Variants in INTS13 observed in about 807,000 individuals in gnomAD.
INTS13 encodes the protein integrator complex subunit 13, also known as asunder, spermatogenesis regulator homolog (Drosphila).
A neutral mutation model predicts 90.2 loss-of-function variants in INTS13; 35 were observed. The ratio of observed to expected loss-of-function variants is 0.39; its 90% confidence interval spans 0.30 to 0.51. The LOEUF is 0.51. Among genes scored for constraint, INTS13 ranks in the 20% least tolerant of loss-of-function variants. INTS13 has a pLI of 0.80. For missense variants in INTS13, 601 were observed against 851.2 expected (o/e 0.71, Z 3.66); for synonymous variants, 309 against 277.1 (o/e 1.11, Z -1.14).
chr12:26,936,942 A>C, intron 1 of INTS13, 128 bp from the exon 2 acceptor site: 1 of 655,942 alleles, frequency 1.5e-6, no homozygotes, highest in Non-Finnish European at 2.6e-6. Context: ...TGTTCAAAGA[A>C]ATCTGTCCGA....
intron 14 of INTS13, among the ~76,000 whole-genome samples, chr12:26,912,395 C>A (rs541882499): frequency 3.6e-4 from 55 of 152,220 alleles, no homozygotes; most frequent in African/African-American, 1.3e-3. Context: ...CGAGATCATG[C>A]CACTGCATTC....
chr12:26,938,087 GT>G (rs550556760), upstream of INTS13: 1,510 of 152,756 alleles, frequency 9.9e-3, 9 homozygotes, highest in Non-Finnish European at 0.015. Context: ...AGGGCCAGGC[GT>G]CCCAGTCGCC....
At chr12:26,916,936 T>C (rs1951951240) in intron 10 of INTS13, among the ~76,000 whole-genome samples, 1 of 152,206 alleles carries the variant, frequency 6.6e-6, no homozygotes. Flanking sequence ...CCACCTTTGA[T>C]TTGATTTAAA....
At position 26,914,130 on chromosome 12, in the gene INTS13, T is replaced by C; in HGVS notation, c.1420-2A>G. The C allele has an allele frequency of 6.4e-7, 1 of 1,562,794 alleles. No homozygotes were observed. Among genetic ancestry groups the C allele is most frequent in the Non-Finnish European group, 8.6e-7 (1 of 1,163,644 alleles). On this transcript the variant is annotated splice_acceptor_variant, in intron 12 of 16. Coordinates refer to ENST00000261191, the MANE Select transcript of INTS13 (RefSeq NM_018164.3). LOFTEE classifies it high-confidence loss of function. ...AATAACACTGGCTAATGGAACTACC[T>C]GTTAGATTTTTTTTAAAGAAAAAAG... is the stretch of plus-strand genomic sequence containing the variant.
chr12:26,927,414 G>A (rs1483002276), intron 5 of INTS13, among the ~76,000 whole-genome samples: 6 of 152,002 alleles, frequency 3.9e-5, no homozygotes, highest in South Asian at 2.1e-4. Flanking sequence ...GAATTGGTGC[G>A]GAAGAAAAAC....
intron 8 of INTS13, among the ~76,000 whole-genome samples, chr12:26,918,026 A>G (rs1592209601): frequency 6.6e-6 from 1 of 151,986 alleles, no homozygotes; most frequent in African/African-American, 2.4e-5. Flanking sequence ...GGAGGCTGAG[A>G]CAGAAGAATC....
Position 26,913,604 on chromosome 12 carries a change from A to G in INTS13, c.1658T>C (p.Val553Ala). The change falls in exon 14 of 17, where the codon GTC becomes GCC. Residue 553 changes from valine (V) to alanine (A), a missense_variant. Transcript: ENST00000261191. ...HINNSEKHQR[V>A]LECLMACRSK... Reference sequence around the variant, plus strand: ...CCTGCATGCCATCAGACATTCCAAGACTCTTTGATGTTTCTCTGAGTTGTT... The same window carrying G: ...CCTGCATGCCATCAGACATTCCAAGGCTCTTTGATGTTTCTCTGAGTTGTT... The G allele has an allele frequency of 6.2e-7, 1 of 1,613,524 alleles. No homozygotes were observed. Among genetic ancestry groups the G allele is most frequent in the Non-Finnish European group, 8.5e-7 (1 of 1,179,928 alleles).
chr12:26,935,350 G>A (rs1335571263), intron 2 of INTS13, among the ~76,000 whole-genome samples: 1 of 152,092 alleles, frequency 6.6e-6, no homozygotes, highest in Admixed American at 6.5e-5. Context: ...TGGCTAGAGG[G>A]TTAGATTTCT....
chr12:26,919,068 A>G, intron 8 of INTS13: 2 of 390,550 alleles, frequency 5.1e-6, no homozygotes, highest in Non-Finnish European at 5.3e-6. Flanking sequence ...CCGGAGGCTG[A>G]GGTGGAAGGA....
intron 14 of INTS13, among the ~76,000 whole-genome samples, chr12:26,911,615 A>C (rs1272882165): frequency 6.6e-6 from 1 of 152,234 alleles, no homozygotes; most frequent in East Asian, 1.9e-4. Flanking sequence ...TGTGATCTTC[A>C]GAAGAAATTG....
chr12:26,929,125 T>C (rs1246102892), intron 3 of INTS13: 1 of 496,616 alleles, frequency 2.0e-6, no homozygotes, highest in Non-Finnish European at 3.6e-6. Flanking sequence ...TATGCAAATA[T>C]CAATTATTAC....
chr12:26,923,771 G>A (rs1937713514), intron 7 of INTS13, among the ~76,000 whole-genome samples: 1 of 152,218 alleles, frequency 6.6e-6, no homozygotes, highest in African/African-American at 2.4e-5. Context: ...TTTTCCCCTA[G>A]TTAGACCTAT....
chr12:26,911,041 G>A, intron 15 of INTS13, 137 bp downstream of exon 15: 2 of 899,152 alleles, frequency 2.2e-6, no homozygotes, highest in East Asian at 2.8e-5. Context: ...CACCATGCTG[G>A]CCAGGCTGGT....
rs1938478382 is a variant in INTS13 at position 26,936,632 on chromosome 12, A to T, written c.172T>A (p.Ser58Thr). ...ATTATTCTACAATATTCCATGGAAG[A>T]TTCTACTGAGCAAGTCCACAATGAT... is the stretch of plus-strand genomic sequence containing the variant. The part of the protein sequence containing the change: ...SKSLWTCSVE[S>T]SMEYCRIMYD... The change falls in exon 2 of 17, where the codon TCT becomes ACT. Residue 58 changes from serine (S) to threonine (T), a missense_variant. Ser to Thr is a moderately conservative substitution (Grantham distance 58). This residue lies in a region of INTS13 where 284 missense variants were observed against 387.7 expected (regional missense o/e 0.73). Coordinates refer to ENST00000261191, the MANE Select transcript of INTS13 (RefSeq NM_018164.3). 1 of 1,613,534 alleles carries T rather than the reference A, an allele frequency of 6.2e-7. No homozygotes were observed. The highest frequency in any genetic ancestry group is 8.5e-7 in the Non-Finnish European group (1 of 1,179,484).
At chr12:26,928,165 C>A in intron 5 of INTS13, 40 bp downstream of exon 5, 2 of 1,390,468 alleles carry the variant, frequency 1.4e-6, no homozygotes, top group South Asian at 1.2e-5. Flanking sequence ...ATATATCTAT[C>A]CACATGAACA....
chr12:26,907,229 G>C (rs1041678706), intron 15 of INTS13, among the ~76,000 whole-genome samples: 1 of 152,200 alleles, frequency 6.6e-6, no homozygotes, highest in African/African-American at 2.4e-5. Flanking sequence ...AATTTGAAGT[G>C]ACTGTGACAG....
At chr12:26,922,231 T>A (rs1427659651) in intron 8 of INTS13, among the ~76,000 whole-genome samples, 1 of 152,248 alleles carries the variant, frequency 6.6e-6, no homozygotes, top group African/African-American at 2.4e-5. Context: ...GTATCATTCA[T>A]CTCAGTTTAT....
intron 8 of INTS13, chr12:26,919,025 G>T (rs1168136771): frequency 2.5e-6 from 1 of 396,972 alleles, no homozygotes; most frequent in South Asian, 1.8e-5. Context: ...AATTAGCCAG[G>T]CTTCGTGGTA....
At chr12:26,919,809 T>G (rs1454151355) in intron 8 of INTS13, among the ~76,000 whole-genome samples, 1 of 152,008 alleles carries the variant, frequency 6.6e-6, no homozygotes, top group Non-Finnish European at 1.5e-5. Context: ...ATCTAAGAGA[T>G]ACAATTAGGA....
Sources: gnomAD v4.1 joint callset for allele counts (sites outside exome capture counted in the v4.1 genomes callset) on GRCh38, gnomAD v4.1.1 for gene constraint, gnomAD v4.1.1 regional missense constraint, MANE v1.5 for transcripts, NCBI Gene and HGNC (gene_info 2026-07-23, HGNC 2026-07-21) for gene names.